Variants in C3orf70 observed in about 807,000 individuals in gnomAD.
C3orf70 encodes the protein chromosome 3 open reading frame 70, also known as UPF0524 protein C3orf70.
In C3orf70, 15 loss-of-function variants were observed where a neutral mutation model predicts 20.7. The ratio of observed to expected loss-of-function variants is 0.72; its 90% confidence interval spans 0.48 to 1.11. C3orf70 has a LOEUF of 1.11. C3orf70 is among the 50% of genes most tolerant of loss of function. The pLI is 0.00. For missense variants in C3orf70, 332 were observed against 317.6 expected, an observed-to-expected ratio of 1.05 and a Z score of -0.34; for synonymous variants, 161 against 125.7, an observed-to-expected ratio of 1.28 and a Z score of -1.88.
At chr3:185,106,794 C>T (rs1203305820) in intron 1 of C3orf70, among the ~76,000 whole-genome samples, 1 of 152,298 alleles carries the variant, frequency 6.6e-6, no homozygotes, top group South Asian at 2.1e-4. Flanking sequence ...TGGACCCTTG[C>T]CAGCAGGGAC....
At position 185,079,306 on chromosome 3, in the gene C3orf70, T is replaced by TAAAAAAAAAAAAA. The variant is rs1321535800; in HGVS notation, c.*3700_*3701insTTTTTTTTTTTTT. The TAAAAAAAAAAAAA allele has an allele frequency of 2.5e-4, 31 of 122,814 alleles. No homozygotes were observed. Among genetic ancestry groups the TAAAAAAAAAAAAA allele is most frequent in the African/African-American group, 8.1e-4 (23 of 28,558 alleles). The allele number at this position is 122,814 out of a possible 1,614,324, so 7.6% of individuals were successfully genotyped here. On this transcript the variant is annotated 3_prime_UTR_variant, in exon 2 of 2. Coordinates refer to ENST00000335012, the MANE Select transcript of C3orf70 (RefSeq NM_001025266.3). ...AAAAAAAAAAAAAAAAAAAAAAAAG[T>TAAAAAAAAAAAAA]AAAGCCACCACTCCCAAGATAGAAT...
At chr3:185,095,271 T>C (rs1330304322) in intron 1 of C3orf70, among the ~76,000 whole-genome samples, 1 of 152,186 alleles carries the variant, frequency 6.6e-6, no homozygotes, top group Non-Finnish European at 1.5e-5. Flanking sequence ...AATTGCAGTC[T>C]GAAAAAATCC....
intron 1 of C3orf70, among the ~76,000 whole-genome samples, chr3:185,094,372 C>T (rs1298904070): frequency 3.3e-5 from 5 of 151,990 alleles, no homozygotes; most frequent in Non-Finnish European, 7.4e-5. Flanking sequence ...CCGCTGCGCC[C>T]GGCCTATTTG....
chr3:185,086,108 G>C (rs1715453348), intron 1 of C3orf70, among the ~76,000 whole-genome samples: 1 of 152,188 alleles, frequency 6.6e-6, no homozygotes, highest in African/African-American at 2.4e-5. Flanking sequence ...ACCATCCTCA[G>C]ATCCAGAGGG....
At chr3:185,090,288 CAAACAAATATAGAAAATAAAATAAATGT>C (rs1396282966) in intron 1 of C3orf70, among the ~76,000 whole-genome samples, 2 of 152,128 alleles carry the variant, frequency 1.3e-5, no homozygotes, top group African/African-American at 4.8e-5. Context: ...AAAATAAACC[CAAACAAATATAGAAAATAAAATAAATGT>C]ATAAGCCCTG....
At position 185,152,713 on chromosome 3, in the gene C3orf70, C is replaced by T. The variant is rs757919965; in HGVS notation, c.111G>A (p.Pro37=). 30 of 1,593,392 alleles carry T rather than the reference C, an allele frequency of 1.9e-5. No homozygotes were observed. The highest frequency in any genetic ancestry group is 2.6e-5 in the Non-Finnish European group (30 of 1,170,634). The change falls in exon 1 of 2, where the codon CCG becomes CCA. Residue 37 remains proline, a synonymous_variant. Transcript: ENST00000335012. ...SCAARRPDFQ[P]CDGLSICATH... ...TGGCACAGATAGACAGCCCGTCGCA[C>T]GGCTGGAAGTCGGGTCTGCGGGCGG...
intron 1 of C3orf70, among the ~76,000 whole-genome samples, chr3:185,110,544 C>T (rs1716050013): frequency 6.6e-6 from 1 of 150,388 alleles, no homozygotes; most frequent in African/African-American, 2.5e-5. Context: ...GTGTTAGGAG[C>T]AGGCCCCCCC....
rs916971876 is a variant in C3orf70, at chr3:185,144,763, G to A, written c.196+7865C>T. On this transcript the variant is annotated intron_variant, in intron 1 of 1. Coordinates refer to ENST00000335012, the MANE Select transcript of C3orf70 (RefSeq NM_001025266.3). ...TGGGATTACAGGCATGAGCCACCAC[G>A]CCCAGCCACAATATGTCATTTAATC... Among the ~76,000 whole-genome samples, 20 of 152,234 alleles carry A rather than the reference G, an allele frequency of 1.3e-4. 1 individual carries two copies. Among genetic ancestry groups the A allele is most frequent in the African/African-American group, 4.6e-4 (19 of 41,532 alleles).
rs145668216 is a variant in C3orf70 at position 185,147,405 on chromosome 3, C to T, written c.196+5223G>A. Among the ~76,000 whole-genome samples the T allele has an allele frequency of 4.0e-3, 613 of 152,246 alleles. 5 individuals are homozygous for T. Among genetic ancestry groups the T allele is most frequent in the African/African-American group, 0.014 (591 of 41,538 alleles). ...GACCTCTTTACAGTTCTCATTCTTC[C>T]GGATTTAACTACTGCAATTGATACA... On this transcript the variant is annotated intron_variant, in intron 1 of 1. Transcript: ENST00000335012.
intron 1 of C3orf70, among the ~76,000 whole-genome samples, chr3:185,122,101 A>C (rs917518112): frequency 2.7e-5 from 4 of 150,884 alleles, no homozygotes; most frequent in Admixed American, 6.6e-5. Context: ...TCCGTCTCAA[A>C]AAAAAAAAAA....
chr3:185,107,138 C>T (rs1481031170), intron 1 of C3orf70, among the ~76,000 whole-genome samples: 1 of 152,184 alleles, frequency 6.6e-6, no homozygotes, highest in Admixed American at 6.5e-5. Flanking sequence ...CAGGAGCGGA[C>T]ATTTCAATCA....
intron 1 of C3orf70, among the ~76,000 whole-genome samples, chr3:185,128,508 C>T (rs1445847756): frequency 4.1e-5 from 6 of 147,028 alleles, no homozygotes; most frequent in Non-Finnish European, 7.4e-5. Flanking sequence ...GGCCTGGCTA[C>T]AGAGCGAGAC....
intron 1 of C3orf70, among the ~76,000 whole-genome samples, chr3:185,142,736 C>T (rs1247404984): frequency 6.6e-6 from 1 of 152,202 alleles, no homozygotes; most frequent in Non-Finnish European, 1.5e-5. Flanking sequence ...AAAGATGTGG[C>T]AGTTACCACC....
At chr3:185,120,697 C>T (rs1281584734) in intron 1 of C3orf70, among the ~76,000 whole-genome samples, 1 of 142,520 alleles carries the variant, frequency 7.0e-6, no homozygotes, top group South Asian at 2.2e-4. Context: ...CCGGCATGAA[C>T]GGTCATAATC....
At chr3:185,121,665 G>A (rs527752744) in intron 1 of C3orf70, among the ~76,000 whole-genome samples, 9 of 152,316 alleles carry the variant, frequency 5.9e-5, no homozygotes, top group Admixed American at 2.0e-4. Context: ...AATGAGACAT[G>A]TGAAGTTGGA....
chr3:185,149,468 C>T (rs1198396253), intron 1 of C3orf70, among the ~76,000 whole-genome samples: 2 of 151,254 alleles, frequency 1.3e-5, no homozygotes, highest in Admixed American at 1.3e-4. Flanking sequence ...CCATAATGGT[C>T]CATATGGGGT....
At chr3:185,094,394 G>A (rs576059480) in intron 1 of C3orf70, among the ~76,000 whole-genome samples, 2 of 152,068 alleles carry the variant, frequency 1.3e-5, no homozygotes, top group South Asian at 4.2e-4. Context: ...ATTTTTTATT[G>A]TTGTATTGTT....
intron 1 of C3orf70, among the ~76,000 whole-genome samples, chr3:185,095,566 A>C (rs1715683029): frequency 6.6e-6 from 1 of 152,224 alleles, no homozygotes; most frequent in Non-Finnish European, 1.5e-5. Context: ...TGATTTAAGA[A>C]AAAGAAGATC....
intron 1 of C3orf70, among the ~76,000 whole-genome samples, chr3:185,143,987 CA>C (rs1482979397): frequency 7.3e-6 from 1 of 137,374 alleles, no homozygotes; most frequent in Non-Finnish European, 1.5e-5. Flanking sequence ...GGTAAACACA[CA>C]CACACACACA....
Sources: gnomAD v4.1 joint callset for allele counts (sites outside exome capture counted in the v4.1 genomes callset) on GRCh38, gnomAD v4.1.1 for gene constraint, MANE v1.5 for transcripts, NCBI Gene and HGNC (gene_info 2026-07-23, HGNC 2026-07-21) for gene names.